Variants in SLC15A1 observed in about 807,000 individuals in gnomAD.
SLC15A1 encodes Caco-2 oligopeptide transporter.
A neutral mutation model predicts 92.9 loss-of-function variants in SLC15A1; 83 were observed. That is an observed-to-expected ratio of 0.89 (90% CI 0.75 to 1.07). The LOEUF (loss-of-function observed/expected upper bound fraction) is 1.07. Ranked by LOEUF, SLC15A1 falls within the 50% of genes least tolerant of loss-of-function variation. The pLI is 0.00. For missense variants in SLC15A1, 857 were observed against 880.1 expected, an observed-to-expected ratio of 0.97 and a Z score of 0.33; for synonymous variants, 322 against 318.2, an observed-to-expected ratio of 1.01 and a Z score of -0.13.
intron 18 of SLC15A1, among the ~76,000 whole-genome samples, chr13:98,689,823 C>G (rs552285882): frequency 2.6e-5 from 4 of 152,200 alleles, no homozygotes; most frequent in Admixed American, 6.5e-5. Context: ...GGTCAGCATC[C>G]TGCTGGAATA....
chr13:98,725,690 A>G (rs1294868076), intron 4 of SLC15A1, among the ~76,000 whole-genome samples: 1 of 152,162 alleles, frequency 6.6e-6, no homozygotes, highest in Non-Finnish European at 1.5e-5. Context: ...CTGAGCAGAA[A>G]CAGCGCTGTA....
At position 98,717,663 on chromosome 13, in the gene SLC15A1, A is replaced by AT. The variant is rs1368893474; in HGVS notation, c.640+1573_640+1574insA. ...AGAACCATGGAAGAAAAGAGACATTAAAAAGAGGAGAATACTGAGCTCTCA... is the reference window on the plus strand; with the variant it reads ...AGAACCATGGAAGAAAAGAGACATTATAAAAGAGGAGAATACTGAGCTCTCA... On this transcript the variant is annotated intron_variant, in intron 8 of 22. Transcript: ENST00000376503. Among the ~76,000 whole-genome samples the AT allele has an allele frequency of 2.6e-5, 4 of 152,370 alleles. No individual in the cohort carries two copies. The East Asian group carries it at 7.7e-4, about 29-fold the overall frequency.
At position 98,688,433 on chromosome 13, in the gene SLC15A1, T is replaced by G. The variant is rs201078692; in HGVS notation, c.1574+37A>C. On this transcript the variant is annotated intron_variant, in intron 19 of 22. Coordinates refer to ENST00000376503, the MANE Select transcript of SLC15A1 (RefSeq NM_005073.4). ...AATGCATTTTTTAAAGAAAAATTCT[T>G]GAACCTTTGAGTGAAGCATTCAGTC... 11 of 1,607,340 alleles carry G rather than the reference T, an allele frequency of 6.8e-6. No individual in the cohort carries two copies. The Admixed American group carries it at 1.3e-4, about 20-fold the overall frequency.
At chr13:98,734,593 C>A (rs12855410) in intron 1 of SLC15A1, among the ~76,000 whole-genome samples, 1 of 152,082 alleles carries the variant, frequency 6.6e-6, no homozygotes, top group Non-Finnish European at 1.5e-5. Flanking sequence ...ACTTTTCCAA[C>A]GGTCTTAGCA....
chr13:98,696,571 C>G (rs1012613953), intron 18 of SLC15A1, among the ~76,000 whole-genome samples: 1 of 152,124 alleles, frequency 6.6e-6, no homozygotes, highest in Non-Finnish European at 1.5e-5. Flanking sequence ...CATTCTGAGG[C>G]GAAAGGGAAA....
At chr13:98,742,737 ATGAGTC>A (rs1161034157) in intron 1 of SLC15A1, among the ~76,000 whole-genome samples, 1 of 152,094 alleles carries the variant, frequency 6.6e-6, no homozygotes, top group East Asian at 1.9e-4. Context: ...TGCCCTGTGT[ATGAGTC>A]TATGTCCAAA....
intron 4 of SLC15A1, 45 bp from the exon 5 acceptor site, chr13:98,724,076 G>A: frequency 6.2e-7 from 1 of 1,608,778 alleles, no homozygotes; most frequent in Non-Finnish European, 8.5e-7. Flanking sequence ...TTGCACAATA[G>A]CCATCCACTT....
chr13:98,724,853 G>A (rs1398089934), intron 4 of SLC15A1, among the ~76,000 whole-genome samples: 1 of 152,224 alleles, frequency 6.6e-6, no homozygotes, highest in Non-Finnish European at 1.5e-5. Context: ...GGTAATTTTT[G>A]TAGAATTCTT....
chr13:98,719,146 G>A (rs748773584), intron 8 of SLC15A1, 91 bp downstream of exon 8: 2 of 840,700 alleles, frequency 2.4e-6, no homozygotes, highest in Non-Finnish European at 3.9e-6. Flanking sequence ...GTTGCCACTT[G>A]TTACATGCAC....
intron 18 of SLC15A1, among the ~76,000 whole-genome samples, chr13:98,691,033 C>T (rs1172950838): frequency 1.3e-5 from 2 of 151,956 alleles, no homozygotes; most frequent in Admixed American, 6.6e-5. Context: ...GGCATGTATC[C>T]GTACTCCATT....
At chr13:98,745,245 G>A (rs188023823) in intron 1 of SLC15A1, among the ~76,000 whole-genome samples, 3,046 of 152,274 alleles carry the variant, frequency 0.02, 110 homozygotes, top group African/African-American at 0.069. Flanking sequence ...CTGGGGGAAG[G>A]AACTGGTCAC....
intron 1 of SLC15A1, among the ~76,000 whole-genome samples, chr13:98,742,854 C>A (rs1321209183): frequency 6.6e-6 from 1 of 152,228 alleles, no homozygotes; most frequent in Non-Finnish European, 1.5e-5. Context: ...TAGCTCACTG[C>A]AGCCTTGAAC....
intron 1 of SLC15A1, among the ~76,000 whole-genome samples, chr13:98,734,547 A>G (rs1450110899): frequency 6.6e-6 from 1 of 152,166 alleles, no homozygotes; most frequent in African/African-American, 2.4e-5. Flanking sequence ...GGAAGACTGT[A>G]CCAGGAAAAG....
Position 98,709,608 on chromosome 13 carries a change from A to G in SLC15A1, c.1031T>C (p.Leu344Pro). The G allele has an allele frequency of 1.2e-6, 2 of 1,614,208 alleles. No individual in the cohort carries two copies. Among genetic ancestry groups the G allele is most frequent in the South Asian group, 1.1e-5 (1 of 91,080 alleles). ...VIMVPIFDAVLYPLIAKCGFN... is the reference protein window; with the variant it reads ...VIMVPIFDAVPYPLIAKCGFN... ...GCCACATTTTGCAATGAGAGGGTAC[A>G]GCACAGCATCGAAGATCGGGACCAT... The change falls in exon 14 of 23, where the codon CTG becomes CCG. Residue 344 changes from leucine to proline, a missense_variant. Coordinates refer to ENST00000376503, the MANE Select transcript of SLC15A1 (RefSeq NM_005073.4).
intron 1 of SLC15A1, among the ~76,000 whole-genome samples, chr13:98,733,083 C>T (rs1191959058): frequency 2.0e-5 from 3 of 151,956 alleles, no homozygotes; most frequent in African/African-American, 7.3e-5. Context: ...GGGAGGGGTC[C>T]CCAAGTCAGG....
intron 1 of SLC15A1, among the ~76,000 whole-genome samples, chr13:98,743,691 C>T (rs2088467469): frequency 6.6e-6 from 1 of 152,136 alleles, no homozygotes; most frequent in Non-Finnish European, 1.5e-5. Flanking sequence ...GCTGTTAGTA[C>T]AGCAACCCTT....
chr13:98,737,055 G>A (rs1420353502), intron 1 of SLC15A1, among the ~76,000 whole-genome samples: 1 of 152,174 alleles, frequency 6.6e-6, no homozygotes, highest in African/African-American at 2.4e-5. Flanking sequence ...TATGTTTATT[G>A]TGGCACTATT....
At chr13:98,747,158 T>A (rs2088499824) in intron 1 of SLC15A1, among the ~76,000 whole-genome samples, 1 of 152,176 alleles carries the variant, frequency 6.6e-6, no homozygotes, top group African/African-American at 2.4e-5. Context: ...AGTGACTCCC[T>A]GGTTCTTGGT....
chr13:98,732,914 G>A (rs1351861666), intron 1 of SLC15A1, among the ~76,000 whole-genome samples: 7 of 152,178 alleles, frequency 4.6e-5, no homozygotes, highest in South Asian at 2.1e-4. Context: ...TCAGGGATAC[G>A]TTCCCTCCCA....
Sources: allele counts gnomAD v4.1 joint callset (sites outside exome capture counted in the v4.1 genomes callset), GRCh38; gene constraint gnomAD v4.1.1; transcripts MANE v1.5; gene names NCBI Gene and HGNC (gene_info 2026-07-23, HGNC 2026-07-21).